The following FGFR2 variants were observed in gnomAD, a reference collection of about 807,000 sequenced individuals.
The protein encoded by FGFR2 is fibroblast growth factor receptor 2, also known as BEK fibroblast growth factor receptor.
Under a neutral mutation model 95.9 loss-of-function variants are expected in FGFR2, and 19 were observed. The ratio of observed to expected loss-of-function variants is 0.20; its 90% CI spans 0.14 to 0.29. The LOEUF (loss-of-function observed/expected upper bound fraction) is 0.29. Among genes scored for constraint, FGFR2 ranks in the 10% least tolerant of loss-of-function variants. FGFR2 has a pLI of 1.00. For synonymous variants in FGFR2, 392 were observed against 393.3 expected, an observed-to-expected ratio of 1.00 and a Z score of 0.04; for missense variants, 707 against 1,056.9, an observed-to-expected ratio of 0.67 and a Z score of 4.59.
chr10:121,511,231 G>A (rs1010390789), intron 9 of FGFR2, among the ~76,000 whole-genome samples: 1 of 151,890 alleles, frequency 6.6e-6, no homozygotes, highest in Non-Finnish European at 1.5e-5. Flanking sequence ...GGCAGTGAGA[G>A]AGGGTGTAAG....
At chr10:121,560,946 T>C (rs1287060208) in intron 4 of FGFR2, among the ~76,000 whole-genome samples, 7 of 152,192 alleles carry the variant, frequency 4.6e-5, no homozygotes, top group African/African-American at 1.2e-4. Context: ...CTGATGCTGC[T>C]GGTCCAGGAA....
intron 5 of FGFR2, among the ~76,000 whole-genome samples, chr10:121,541,226 C>G (rs41295487): frequency 2.3e-4 from 35 of 152,276 alleles, no homozygotes; most frequent in African/African-American, 8.4e-4. Flanking sequence ...CCATGCAGTG[C>G]TGTTAATATT....
chr10:121,517,000 T>C (rs190102119), intron 8 of FGFR2, among the ~76,000 whole-genome samples: 3 of 152,338 alleles, frequency 2.0e-5, no homozygotes, highest in Admixed American at 6.5e-5. Context: ...CTTTGAATTT[T>C]ACCAAAGTAA....
Position 121,485,321 on chromosome 10 carries a change from G to A in FGFR2, c.2195+74C>T, listed in dbSNP as rs1253957841. 9.4e-6 allele frequency: 15 copies of A among 1,603,290 alleles called. No homozygotes were observed. The highest frequency in any genetic ancestry group is 1.8e-4 in the Middle Eastern group (1 of 5,406). On this transcript the variant is annotated intron_variant, in intron 16 of 17. Transcript: ENST00000358487. The surrounding 1 kb of genome is among the most constrained non-coding windows in gnomAD (Gnocchi z 4.2). ...TAGGAAACCAGGGGCCTTCAAAAACGAGATACATCAGGAGAGGTATTACTG... is the reference window on the plus strand; with the variant it reads ...TAGGAAACCAGGGGCCTTCAAAAACAAGATACATCAGGAGAGGTATTACTG...
At chr10:121,506,602 G>A (rs1359136053) in intron 9 of FGFR2, among the ~76,000 whole-genome samples, 1 of 152,148 alleles carries the variant, frequency 6.6e-6, no homozygotes, top group South Asian at 2.1e-4. Flanking sequence ...AGCAGAGGCA[G>A]AGGCATGGCT....
At chr10:121,502,779 C>A (rs1017417161) in intron 10 of FGFR2, among the ~76,000 whole-genome samples, 1 of 152,174 alleles carries the variant, frequency 6.6e-6, no homozygotes, top group Non-Finnish European at 1.5e-5. Context: ...CCTTCCCGTA[C>A]TCTCAAGCTG....
At chr10:121,516,018 G>A (rs1849664627) in intron 8 of FGFR2, among the ~76,000 whole-genome samples, 2 of 151,680 alleles carry the variant, frequency 1.3e-5, no homozygotes, top group Non-Finnish European at 2.9e-5. Flanking sequence ...ATATTGTTAT[G>A]TCACTACAGC....
intron 10 of FGFR2, among the ~76,000 whole-genome samples, chr10:121,503,018 C>A (rs3135779): frequency 0.02 from 3,020 of 152,330 alleles, 66 homozygotes; most frequent in Admixed American, 0.065. Flanking sequence ...TCGCACAAGC[C>A]AAGAACTCTG....
intron 13 of FGFR2, among the ~76,000 whole-genome samples, chr10:121,495,542 C>T (rs12776137): frequency 0.025 from 3,767 of 152,184 alleles, 71 homozygotes; most frequent in Non-Finnish European, 0.037. Context: ...CATGGGGTAG[C>T]TCTGGGCCAT....
chr10:121,560,031 G>A lies in FGFR2; in HGVS notation c.454+4471C>T, dbSNP rs577436219. Among the ~76,000 whole-genome samples the A allele has an allele frequency of 2.6e-4, 40 of 152,192 alleles. 1 individual carries two copies. The highest frequency in any genetic ancestry group is 5.4e-4 in the Non-Finnish European group (37 of 68,012). ...AATCTGATGTCTCAATCCATAGCGA[G>A]GGCACCCACATACAGTAAAACTGGA... On this transcript the variant is annotated intron_variant, in intron 4 of 17. Transcript: ENST00000358487.
At chr10:121,572,598 C>T (rs1337231404) in intron 2 of FGFR2, among the ~76,000 whole-genome samples, 1 of 151,810 alleles carries the variant, frequency 6.6e-6, no homozygotes, top group Non-Finnish European at 1.5e-5. Flanking sequence ...CCAGCCTGGG[C>T]GACATGAGTG....
chr10:121,555,644 C>A (rs1303456052), intron 4 of FGFR2, among the ~76,000 whole-genome samples: 1 of 152,126 alleles, frequency 6.6e-6, no homozygotes, highest in Non-Finnish European at 1.5e-5. Flanking sequence ...GAATGATGTT[C>A]TCCTAATCAT....
chr10:121,532,514 G>T (rs1852226797), intron 6 of FGFR2, among the ~76,000 whole-genome samples: 1 of 152,122 alleles, frequency 6.6e-6, no homozygotes, highest in Non-Finnish European at 1.5e-5. Flanking sequence ...CTAGGCCACC[G>T]CTTCTTCATT....
At chr10:121,527,660 G>T (rs1008857463) in intron 6 of FGFR2, 1 of 152,056 alleles carries the variant, frequency 6.6e-6, no homozygotes, top group African/African-American at 2.4e-5. Flanking sequence ...AATTTCTAGG[G>T]TCATGGAAAA....
intron 4 of FGFR2, among the ~76,000 whole-genome samples, chr10:121,558,618 T>G (rs1029344609): frequency 4.6e-5 from 7 of 151,834 alleles, no homozygotes; most frequent in African/African-American, 1.7e-4. Context: ...TTGTTTTTTT[T>G]TTTTTTTGAG....
intron 1 of FGFR2, chr10:121,594,285 C>T (rs544019143): frequency 7.2e-6 from 2 of 278,352 alleles, no homozygotes; most frequent in South Asian, 1.7e-4. Flanking sequence ...ATCGCCTCCA[C>T]CGCCCTCAAT....
intron 5 of FGFR2, among the ~76,000 whole-genome samples, chr10:121,548,221 G>A (rs1345969983): frequency 7.9e-6 from 1 of 125,806 alleles, no homozygotes; most frequent in Non-Finnish European, 1.6e-5. Context: ...GCATCCAAAT[G>A]TGTGGCCCTC....
chr10:121,550,820 A>AT (rs1208317718), intron 5 of FGFR2, among the ~76,000 whole-genome samples: 3 of 151,582 alleles, frequency 2.0e-5, no homozygotes, highest in South Asian at 2.1e-4. Context: ...CCGGGGTAAT[A>AT]TTTTTTTTTA....
At chr10:121,501,106 A>G (rs1847553381) in intron 10 of FGFR2, among the ~76,000 whole-genome samples, 159 bp from the exon 11 acceptor site, 1 of 152,178 alleles carries the variant, frequency 6.6e-6, no homozygotes, top group Non-Finnish European at 1.5e-5. Context: ...GCGCCTGAGT[A>G]TTTTCCTAGT....
Sources: gnomAD v4.1 joint callset for allele counts (sites outside exome capture counted in the v4.1 genomes callset) on GRCh38, gnomAD v4.1.1 for gene constraint, Gnocchi (gnomAD v3.1) non-coding constraint, MANE v1.5 for transcripts, NCBI Gene and HGNC (gene_info 2026-07-23, HGNC 2026-07-21) for gene names.